Variants in ATRX observed in about 807,000 individuals in gnomAD.
ATRX encodes the protein chromatin remodeler ATRX.
Under a neutral mutation model 172.6 loss-of-function variants are expected in ATRX, and 12 were observed. That is an observed-to-expected ratio of 0.07 (90% CI 0.04 to 0.11). ATRX has a LOEUF of 0.11. ATRX is among the 10% of genes least tolerant of loss of function. ATRX has a pLI of 1.00. For missense variants in ATRX, 1,368 were observed against 1,767.4 expected (o/e 0.77, Z 4.05); for synonymous variants, 674 against 594.7 (o/e 1.13, Z -1.94).
At chrX:77,608,359 A>G (rs1297696772) in intron 22 of ATRX, among the ~76,000 whole-genome samples, 14 of 87,622 alleles carry the variant, frequency 1.6e-4, no homozygotes, top group Non-Finnish European at 3.1e-4. Flanking sequence ...ACAGAGCGAG[A>G]CCCCGTCTCA....
chrX:77,718,520 C>G (rs1448801553), intron 1 of ATRX, among the ~76,000 whole-genome samples: 1 of 108,335 alleles, frequency 9.2e-6, no homozygotes, highest in Non-Finnish European at 1.9e-5. Context: ...ACTACAGGCG[C>G]CCGCCACCAC....
chrX:77,734,046 A>G (rs1258597649), intron 1 of ATRX, among the ~76,000 whole-genome samples: 2 of 109,072 alleles, frequency 1.8e-5, no homozygotes, highest in African/African-American at 6.7e-5. Context: ...TACTAAAAAT[A>G]CGAAAAAAAA....
At chrX:77,670,808 T>C (rs1318072509) in intron 10 of ATRX, among the ~76,000 whole-genome samples, 1 of 106,518 alleles carries the variant, frequency 9.4e-6, no homozygotes, top group African/African-American at 3.4e-5. Flanking sequence ...CATATTAGTA[T>C]ATATTTCAAC....
In ATRX at chrX:77,685,063, G is replaced by C. The variant is rs782184347; in HGVS notation, c.595-57C>G. The C allele has an allele frequency of 3.2e-5, 30 of 929,433 alleles. 1 individual carries two copies. In the Admixed American group the frequency reaches 6.6e-4, roughly 20 times the overall value. The allele number at this position is 929,433 out of a possible 1,213,427, so 76.6% of individuals were successfully genotyped here. ...ATTCGAAATTGATAACATTCATAAA[G>C]GACAAAAACTTTATTTTTTTAAGTA... On this transcript the variant is annotated intron_variant, in intron 7 of 34. Transcript: ENST00000373344.
At chrX:77,601,425 C>CTA (rs1281206611) in intron 22 of ATRX, among the ~76,000 whole-genome samples, 2 of 106,320 alleles carry the variant, frequency 1.9e-5, no homozygotes, top group Non-Finnish European at 3.9e-5. Context: ...TTACAATGAA[C>CTA]TATGATTGCA....
chrX:77,528,637 G>GA (rs782294545), intron 30 of ATRX, among the ~76,000 whole-genome samples: 3 of 109,718 alleles, frequency 2.7e-5, no homozygotes, highest in South Asian at 3.9e-4. Flanking sequence ...AAAAGGCCCC[G>GA]AAAAAAAACC....
chrX:77,683,200 T>C lies in ATRX; in HGVS notation c.2056A>G (p.Lys686Glu), dbSNP rs1332111229. ...NSDEECNETV[K>E]EKQKLSVPVR... The stretch of plus-strand genomic sequence containing the variant: ...GGAACTGATAGTTTTTGTTTCTCCT[T>C]AACTGTTTCATTACATTCTTCATCT... Residue 686 changes from lysine (K) to glutamate (E), a missense_variant, in exon 9 of 35, where the codon AAG becomes GAG. Physicochemically the swap from Lys to Glu is moderately conservative, Grantham distance 56 (BLOSUM62 1). Transcript: ENST00000373344. 1 of 1,208,937 alleles carries C rather than the reference T, an allele frequency of 8.3e-7. No homozygotes were observed. The highest frequency in any genetic ancestry group is 1.7e-5 in the African/African-American group (1 of 57,280).
At chrX:77,617,937 T>G (rs1055180592) in intron 21 of ATRX, among the ~76,000 whole-genome samples, 1 of 110,440 alleles carries the variant, frequency 9.1e-6, no homozygotes, top group Non-Finnish European at 1.9e-5. Context: ...CAGCCTGGAG[T>G]GTAGTGGCAT....
intron 30 of ATRX, among the ~76,000 whole-genome samples, chrX:77,533,294 G>C (rs1388604512): frequency 1.8e-5 from 2 of 112,352 alleles, no homozygotes; most frequent in African/African-American, 3.2e-5. Flanking sequence ...CAAAGGAATA[G>C]AAATCATTCT....
intron 34 of ATRX, 89 bp downstream of exon 34, chrX:77,520,699 T>G: frequency 4.0e-6 from 4 of 991,930 alleles, no homozygotes; most frequent in Non-Finnish European, 4.2e-6. Context: ...ATAGTAGGAA[T>G]AATTACTGAC....
chrX:77,551,861 A>G (rs2064540528), intron 30 of ATRX, among the ~76,000 whole-genome samples: 1 of 112,424 alleles, frequency 8.9e-6, no homozygotes, highest in Non-Finnish European at 1.9e-5. Flanking sequence ...CAACAGACAC[A>G]TGAAAAAATG....
intron 30 of ATRX, among the ~76,000 whole-genome samples, chrX:77,528,335 A>G (rs1441600901): frequency 9.0e-6 from 1 of 111,679 alleles, no homozygotes; most frequent in Non-Finnish European, 1.9e-5. Context: ...GTTATGGAGA[A>G]TACAGGTGGT....
intron 5 of ATRX, among the ~76,000 whole-genome samples, chrX:77,694,291 G>T (rs1385845364): frequency 5.4e-5 from 6 of 111,645 alleles, no homozygotes; most frequent in Non-Finnish European, 1.9e-5. Flanking sequence ...GTTCCATAAA[G>T]AATTCATAAA....
chrX:77,747,589 C>T (rs947269041), intron 1 of ATRX, among the ~76,000 whole-genome samples: 1 of 111,689 alleles, frequency 9.0e-6, no homozygotes, highest in African/African-American at 3.3e-5. Context: ...CATTCATTTA[C>T]TCATTTTATA....
At chrX:77,658,045 CAAA>C (rs1303213805) in intron 12 of ATRX, among the ~76,000 whole-genome samples, 1 of 109,326 alleles carries the variant, frequency 9.1e-6, no homozygotes, top group Admixed American at 9.8e-5. Flanking sequence ...TCTGTCTCTA[CAAA>C]AAAAATTTAA....
At chrX:77,628,137 AC>A (rs1340616997) in intron 19 of ATRX, among the ~76,000 whole-genome samples, 3 of 112,563 alleles carry the variant, frequency 2.7e-5, no homozygotes, top group Non-Finnish European at 3.8e-5. Context: ...GAGTCTGTTA[AC>A]TTAAGATGGT....
At chrX:77,635,792 G>A (rs972207911) in intron 16 of ATRX, 123 bp downstream of exon 16, 8 of 594,190 alleles carry the variant, frequency 1.3e-5, no homozygotes, top group Non-Finnish European at 2.1e-5. Flanking sequence ...GGGGAATTGT[G>A]GATTCCCCAC....
rs1261884380 is a variant in ATRX at position 77,559,750 on chromosome X, C to A, written c.6327-904G>T. Among the ~76,000 whole-genome samples, 10 of 110,284 alleles carry A rather than the reference C, an allele frequency of 9.1e-5. No homozygotes were observed. In the Admixed American group the frequency reaches 9.8e-4, roughly 11 times the overall value. On this transcript the variant is annotated intron_variant, in intron 28 of 34. Transcript: ENST00000373344. The stretch of plus-strand genomic sequence containing the variant: ...GGGATTACAGACATGTGCTACCATG[C>A]CTGGCCAGGATTTACAATATTTCTA...
Position 77,599,600 on chromosome X carries a change from C to CA in ATRX, c.5787-21dup, listed in dbSNP as rs782124200. 3.1e-5 allele frequency: 37 copies of CA among 1,203,040 alleles called. No individual in the cohort carries two copies. The African/African-American group carries it at 6.5e-4, about 21-fold the overall frequency. On this transcript the variant is annotated intron_variant, in intron 24 of 34. Transcript: ENST00000373344. ...TTCTTTCTAAAAACAAACAAACAAA[C>CA]AAACAAAAAAACACATTCAGATTGT...
Sources: allele counts gnomAD v4.1 joint callset (sites outside exome capture counted in the v4.1 genomes callset), GRCh38; gene constraint gnomAD v4.1.1; transcripts MANE v1.5; gene names NCBI Gene and HGNC (gene_info 2026-07-23, HGNC 2026-07-21).